Variants in PAPPA observed in about 807,000 individuals in gnomAD.
The protein encoded by PAPPA is pappalysin 1.
PAPPA carries 60 observed loss-of-function variants against 164.0 expected under a neutral mutation model. That is an observed-to-expected ratio of 0.37 (90% CI 0.30 to 0.45). The LOEUF is 0.45. PAPPA is among the 20% of genes least tolerant of loss of function. The probability of loss-of-function intolerance (pLI) is 1.00; values close to 1 mark genes in which losing one functional copy is unlikely to be tolerated. For synonymous variants in PAPPA, 875 were observed against 814.1 expected, an observed-to-expected ratio of 1.07 and a Z score of -1.27; for missense variants, 1,782 against 2,087.3, an observed-to-expected ratio of 0.85 and a Z score of 2.85.
intron 10 of PAPPA, among the ~76,000 whole-genome samples, chr9:116,315,025 A>G (rs1338018485): frequency 6.6e-6 from 1 of 152,244 alleles, no homozygotes; most frequent in Non-Finnish European, 1.5e-5. Context: ...CTGTGTGGAC[A>G]ATACTCAGAA....
At chr9:116,206,716 G>A (rs1382667215) in intron 2 of PAPPA, among the ~76,000 whole-genome samples, 1 of 152,144 alleles carries the variant, frequency 6.6e-6, no homozygotes, top group Non-Finnish European at 1.5e-5. Flanking sequence ...TCTGCTAGTA[G>A]GAGGTGGACG....
rs1346483293 is a variant in PAPPA at position 116,211,685 on chromosome 9, C to A, written c.1671C>A (p.Thr557=). 4.3e-6 allele frequency: 7 copies of A among 1,613,970 alleles called. No individual in the cohort carries two copies. Among genetic ancestry groups the A allele is most frequent in the Non-Finnish European group, 5.9e-6 (7 of 1,179,994 alleles). The change falls in exon 4 of 22, where the codon ACC becomes ACA. Residue 557 remains threonine, a synonymous_variant. Transcript: ENST00000328252. ...NPSFYGMPGH[T]HTMIHEIGHS... is the part of the protein sequence containing the mutation. ...CTTTCTATGGCATGCCTGGGCACAC[C>A]CACACCATGATCCATGAGATTGGTC...
In PAPPA at chr9:116,154,684, G is replaced by T; in HGVS notation, c.415+97G>T. ...GGTGGCGGGCGGGTCGGGGGCTTGC[G>T]GGCGTGTCTGTGCGAGAGCTGCCCC... On this transcript the variant is annotated intron_variant, in intron 1 of 21. Transcript: ENST00000328252. The surrounding 1 kb of genome is among the most constrained non-coding windows in gnomAD (Gnocchi z 5.2). The T allele has an allele frequency of 1.6e-6, 2 of 1,229,568 alleles. No homozygotes were observed. The highest frequency in any genetic ancestry group is 2.0e-6 in the Non-Finnish European group (2 of 981,672). 76.2% of individuals were successfully genotyped at this position (1,229,568 alleles called of 1,614,324 possible). A position where few individuals can be genotyped will look rare whatever the true frequency, so the allele number is the denominator to read the frequency against.
intron 2 of PAPPA, among the ~76,000 whole-genome samples, chr9:116,203,636 C>T (rs1844197622): frequency 6.6e-6 from 1 of 152,132 alleles, no homozygotes; most frequent in South Asian, 2.1e-4. Context: ...GGAGCCTATC[C>T]TAATCAGTGA....
At chr9:116,379,145 A>G (rs896029387) in intron 20 of PAPPA, among the ~76,000 whole-genome samples, 8 of 152,204 alleles carry the variant, frequency 5.3e-5, no homozygotes, top group African/African-American at 1.4e-4. Context: ...GTGAGACCCA[A>G]GAGACCCTCA....
At chr9:116,176,974 C>T (rs981721174) in intron 1 of PAPPA, among the ~76,000 whole-genome samples, 2 of 148,712 alleles carry the variant, frequency 1.3e-5, no homozygotes, top group Admixed American at 1.3e-4. Context: ...GACCCCCCCC[C>T]CCAATATTTT....
chr9:116,379,945 T>C (rs747449280), intron 20 of PAPPA, among the ~76,000 whole-genome samples: 27 of 152,174 alleles, frequency 1.8e-4, no homozygotes, highest in Non-Finnish European at 3.8e-4. Context: ...TATTGTTCCC[T>C]GTCTCTAGAA....
At position 116,314,060 on chromosome 9, in the gene PAPPA, C is replaced by CTTTTTTTTTTTTTTTTTTTT. The variant is rs57871796; in HGVS notation, c.3147+11121_3147+11140dup. On this transcript the variant is annotated intron_variant, in intron 10 of 21. Coordinates refer to ENST00000328252, the MANE Select transcript of PAPPA (RefSeq NM_002581.5). ...ATTCAGTTCTGTCATTGCATCGAAT[C>CTTTTTTTTTTTTTTTTTTTT]TTTTTTTTTTTTTTTTTTTTTTTTT... Among the ~76,000 whole-genome samples the CTTTTTTTTTTTTTTTTTTTT allele has an allele frequency of 2.0e-4, 14 of 69,728 alleles. 1 individual carries two copies. The highest frequency in any genetic ancestry group is 9.2e-4 in the East Asian group (2 of 2,164). 45.7% of individuals were successfully genotyped at this position (69,728 alleles called of 152,430 possible).
intron 4 of PAPPA, among the ~76,000 whole-genome samples, chr9:116,215,360 A>G (rs1444874304): frequency 6.6e-6 from 1 of 152,184 alleles, no homozygotes; most frequent in African/African-American, 2.4e-5. Context: ...AGTGCCCATT[A>G]ATAATAGACT....
At chr9:116,177,499 G>A (rs1349928402) in intron 1 of PAPPA, among the ~76,000 whole-genome samples, 2 of 152,196 alleles carry the variant, frequency 1.3e-5, no homozygotes, top group Non-Finnish European at 2.9e-5. Context: ...ATTCAAATAT[G>A]AGGTTAGGTG....
At chr9:116,395,162 A>AAAT (rs1456720580) in intron 21 of PAPPA, among the ~76,000 whole-genome samples, 4 of 152,156 alleles carry the variant, frequency 2.6e-5, no homozygotes, top group African/African-American at 9.7e-5. Context: ...AGACTCAGAG[A>AAAT]AATTGTCACA....
intron 9 of PAPPA, among the ~76,000 whole-genome samples, chr9:116,289,903 AC>A (rs1214132258): frequency 8.5e-5 from 13 of 152,170 alleles, no homozygotes; most frequent in African/African-American, 2.9e-4. Flanking sequence ...GAAGGTGAAA[AC>A]TATTTGTTGA....
chr9:116,392,838 G>A (rs993831678), intron 21 of PAPPA, among the ~76,000 whole-genome samples: 1 of 152,206 alleles, frequency 6.6e-6, no homozygotes, highest in Non-Finnish European at 1.5e-5. Context: ...TGGGGAGGCT[G>A]AAGTCCACAA....
At chr9:116,277,899 C>A (rs1427866967) in intron 9 of PAPPA, among the ~76,000 whole-genome samples, 3 of 152,162 alleles carry the variant, frequency 2.0e-5, no homozygotes, top group Admixed American at 1.3e-4. Context: ...AACTCCTGAC[C>A]TCAGGTGATC....
chr9:116,389,262 A>G (rs778105098), intron 21 of PAPPA, among the ~76,000 whole-genome samples: 4 of 151,518 alleles, frequency 2.6e-5, no homozygotes, highest in Non-Finnish European at 4.4e-5. Flanking sequence ...CCTCCAGAGT[A>G]GCTGGGATTA....
At position 116,254,553 on chromosome 9, in the gene PAPPA, T is replaced by C. The variant is rs552381623; in HGVS notation, c.2733-11304T>C. On this transcript the variant is annotated intron_variant, in intron 7 of 21. Transcript: ENST00000328252. ...ATCCCAGCACTTTGGGAGGCCAGGG[T>C]GGGCGGATCACAAGGTCAGGAGATC... Among the ~76,000 whole-genome samples, 1,123 of 151,998 alleles carry C rather than the reference T, an allele frequency of 7.4e-3. 54 individuals carry two copies. The highest frequency in any genetic ancestry group is 0.061 in the Admixed American group (929 of 15,284).
chr9:116,327,677 T>C (rs775148050), intron 10 of PAPPA, among the ~76,000 whole-genome samples: 69 of 152,126 alleles, frequency 4.5e-4, no homozygotes, highest in South Asian at 1.5e-3. Context: ...GTGGCCAACT[T>C]TGTATCATGG....
intron 20 of PAPPA, among the ~76,000 whole-genome samples, chr9:116,378,605 C>G (rs1466317103): frequency 6.6e-6 from 1 of 152,182 alleles, no homozygotes; most frequent in Admixed American, 6.5e-5. Context: ...AATGGGTAAA[C>G]AGAGACCCAG....
intron 5 of PAPPA, among the ~76,000 whole-genome samples, chr9:116,225,114 C>G (rs1844490076): frequency 6.6e-6 from 1 of 152,208 alleles, no homozygotes; most frequent in South Asian, 2.1e-4. Context: ...AATGAAACAT[C>G]TAAAGCACAT....
Sources: gnomAD v4.1 joint callset for allele counts (sites outside exome capture counted in the v4.1 genomes callset) on GRCh38, gnomAD v4.1.1 for gene constraint, Gnocchi (gnomAD v3.1) non-coding constraint, MANE v1.5 for transcripts, NCBI Gene and HGNC (gene_info 2026-07-23, HGNC 2026-07-21) for gene names.